PATL1: variants seen among roughly 807,000 people sequenced by gnomAD.
The protein encoded by PATL1 is protein PAT1 homolog 1.
PATL1 carries 32 observed loss-of-function variants against 100.6 expected under a neutral mutation model. The observed-to-expected ratio is 0.32, with a 90% CI of 0.24 to 0.43. PATL1 has a LOEUF of 0.43. PATL1 is among the 20% of genes least tolerant of loss of function. The pLI is 1.00. For missense variants in PATL1, 747 were observed against 949.9 expected, an observed-to-expected ratio of 0.79 and a Z score of 2.81; for synonymous variants, 332 against 330.0, an observed-to-expected ratio of 1.01 and a Z score of -0.07.
rs1482832072 is a variant in PATL1 at position 59,654,092 on chromosome 11, G to A, written c.1032-20C>T. On this transcript the variant is annotated intron_variant, in intron 8 of 18. Coordinates refer to ENST00000300146, the MANE Select transcript of PATL1 (RefSeq NM_152716.3). ...TGAGATCTAAGAAAAACGGAAAAGA[G>A]GTTCTCAGTTTGGTCATCCTGATGA... 40 of 1,594,218 alleles carry A rather than the reference G, an allele frequency of 2.5e-5. No individual in the cohort carries two copies. The highest frequency in any genetic ancestry group is 3.4e-5 in the Non-Finnish European group (40 of 1,162,168).
chr11:59,652,639 T>C, intron 10 of PATL1, 52 bp from the exon 11 acceptor site: 2 of 1,592,404 alleles, frequency 1.3e-6, no homozygotes, highest in Non-Finnish European at 1.7e-6. Flanking sequence ...ACACGACTGT[T>C]GTTTACCATC....
intron 15 of PATL1, among the ~76,000 whole-genome samples, chr11:59,647,132 A>G (rs914988802): frequency 7.3e-5 from 11 of 151,306 alleles, no homozygotes; most frequent in African/African-American, 2.7e-4. Context: ...CTGAGGTGGC[A>G]GAATCACCTG....
chr11:59,642,795 C>T, intron 16 of PATL1, 85 bp downstream of exon 16: 3 of 1,394,996 alleles, frequency 2.2e-6, no homozygotes, highest in African/African-American at 1.4e-5. Flanking sequence ...TCCCAAGTTG[C>T]TAGAGATACA....
At chr11:59,647,625 A>T in intron 15 of PATL1, 129 bp downstream of exon 15, 1 of 974,662 alleles carries the variant, frequency 1.0e-6, no homozygotes, top group East Asian at 2.6e-5. Context: ...TGTTTTAAAT[A>T]ATCAAATCAC....
intron 13 of PATL1, among the ~76,000 whole-genome samples, chr11:59,650,319 C>A (rs1361995915): frequency 6.6e-6 from 1 of 152,230 alleles, no homozygotes; most frequent in South Asian, 2.1e-4. Flanking sequence ...TGGTGTATGG[C>A]CTTACAATGT....
intron 2 of PATL1, among the ~76,000 whole-genome samples, chr11:59,661,076 C>T (rs867045830): frequency 6.6e-6 from 1 of 152,082 alleles, no homozygotes; most frequent in Non-Finnish European, 1.5e-5. Context: ...CACAGTTTTG[C>T]TCCATTCAGT....
At chr11:59,668,846 G>A (rs1861735381) in intron 1 of PATL1, 35 bp downstream of exon 1, 2 of 1,295,508 alleles carry the variant, frequency 1.5e-6, no homozygotes, top group South Asian at 2.7e-5. Flanking sequence ...GGCGCGGGAG[G>A]GAGGGAGGGG....
intron 3 of PATL1, 73 bp downstream of exon 3, chr11:59,659,178 TA>T (rs1323641715): frequency 1.5e-6 from 2 of 1,315,294 alleles, no homozygotes; most frequent in African/African-American, 3.0e-5. Flanking sequence ...ATAGATAAAA[TA>T]AAATGGCAAA....
At chr11:59,648,190 T>C (rs78975034) in intron 14 of PATL1, among the ~76,000 whole-genome samples, 7,412 of 149,328 alleles carry the variant, frequency 0.05, 263 homozygotes, top group East Asian at 0.17. Flanking sequence ...TTTTTCTTTT[T>C]TTTTTTTTTT....
intron 11 of PATL1, 32 bp downstream of exon 11, chr11:59,652,432 T>C: frequency 1.3e-6 from 2 of 1,584,080 alleles, no homozygotes; most frequent in Non-Finnish European, 1.7e-6. Context: ...AAATTTCTTT[T>C]ATTATGGGCA....
chr11:59,668,573 C>T (rs887585938), intron 1 of PATL1, among the ~76,000 whole-genome samples: 1 of 151,666 alleles, frequency 6.6e-6, no homozygotes, highest in Non-Finnish European at 1.5e-5. Flanking sequence ...AGTGCTCTAC[C>T]CTCCGTGGCT....
At position 59,657,578 on chromosome 11, in the gene PATL1, G is replaced by A. The variant is rs267603042; in HGVS notation, c.573C>T (p.Pro191=). 11 of 1,612,084 alleles carry A rather than the reference G, an allele frequency of 6.8e-6. No homozygotes were observed. The highest frequency in any genetic ancestry group is 9.3e-6 in the Non-Finnish European group (11 of 1,179,736). ...CCATCTGTTTAGGTGGGGTGCCTAT[G>A]GGGACAGCTCTAACAGGAGGACTGC... is the stretch of plus-strand genomic sequence containing the variant. The part of the protein sequence containing the change: ...IIGSPPVRAV[P]IGTPPKQMAV... The change falls in exon 5 of 19, where the codon CCC becomes CCT. Residue 191 remains proline (P), a synonymous_variant. Transcript: ENST00000300146.
At chr11:59,658,790 G>GT (rs1729303387) in intron 4 of PATL1, 76 bp downstream of exon 4, 2 of 1,127,738 alleles carry the variant, frequency 1.8e-6, no homozygotes, top group Non-Finnish European at 2.6e-6. Context: ...AACCCCTTCA[G>GT]TAAGGAAAGG....
chr11:59,645,495 C>T (rs908594666), intron 15 of PATL1, among the ~76,000 whole-genome samples: 7 of 150,690 alleles, frequency 4.6e-5, no homozygotes, highest in African/African-American at 7.3e-5. Context: ...TTTATCATTT[C>T]TTTTGTATTT....
intron 9 of PATL1, 129 bp downstream of exon 9, chr11:59,653,854 A>C (rs1861483071): frequency 1.4e-6 from 1 of 712,226 alleles, no homozygotes; most frequent in Non-Finnish European, 2.4e-6. Context: ...ACATGTTGAT[A>C]ATACATCCAG....
intron 8 of PATL1, 123 bp from the exon 9 acceptor site, chr11:59,654,195 G>A (rs1423640201): frequency 3.7e-6 from 3 of 810,092 alleles, no homozygotes; most frequent in African/African-American, 1.7e-5. Context: ...AGTCTATTCG[G>A]GATGGGTGCG....
In PATL1 at chr11:59,657,566, T is replaced by C. The variant is rs1277337292; in HGVS notation, c.585A>G (p.Pro195=). 1 of 1,611,630 alleles carries C rather than the reference T, an allele frequency of 6.2e-7. No individual in the cohort carries two copies. Among genetic ancestry groups the C allele is most frequent in the Non-Finnish European group, 8.5e-7 (1 of 1,179,640 alleles). ...AGCTGGGTACAGCCATCTGTTTAGG[T>C]GGGGTGCCTATGGGGACAGCTCTAA... ...PPVRAVPIGT[P]PKQMAVPSFT... The change falls in exon 5 of 19, where the codon CCA becomes CCG. Residue 195 remains proline (P), a synonymous_variant. Coordinates refer to ENST00000300146, the MANE Select transcript of PATL1 (RefSeq NM_152716.3).
chr11:59,655,835 T>C, intron 7 of PATL1, 95 bp from the exon 8 acceptor site: 2 of 1,405,054 alleles, frequency 1.4e-6, no homozygotes, highest in East Asian at 2.5e-5. Context: ...TCAATAACTT[T>C]GTTTGAAAAA....
intron 11 of PATL1, among the ~76,000 whole-genome samples, 191 bp from the exon 12 acceptor site, chr11:59,651,832 AG>A (rs1251849085): frequency 8.6e-5 from 13 of 151,992 alleles, no homozygotes; most frequent in Non-Finnish European, 1.8e-4. Context: ...TGGGAGGCCG[AG>A]GGGGGTAGAT....
Sources: allele counts gnomAD v4.1 joint callset (sites outside exome capture counted in the v4.1 genomes callset), GRCh38; gene constraint gnomAD v4.1.1; transcripts MANE v1.5; gene names NCBI Gene and HGNC (gene_info 2026-07-23, HGNC 2026-07-21).